RADIL: variants seen among roughly 807,000 people sequenced by gnomAD.
RADIL encodes Rap associating with DIL domain.
RADIL carries 99 observed loss-of-function variants against 97.6 expected under a neutral mutation model. The ratio of observed to expected loss-of-function variants is 1.01; its 90% CI spans 0.86 to 1.20. The LOEUF (loss-of-function observed/expected upper bound fraction) is 1.20, where lower values mean the gene tolerates loss of function less well. Ranked by LOEUF, RADIL falls within the 50% of genes most tolerant of loss-of-function variation. The pLI is 0.00. For synonymous variants in RADIL, 803 were observed against 691.8 expected (o/e 1.16, Z -2.52); for missense variants, 1,765 against 1,498.9 (o/e 1.18, Z -2.93).
In RADIL at chr7:4,814,661, C is replaced by T. The variant is rs372647660; in HGVS notation, c.2139+617G>A. ...CCCACACGCCTGGCGGTCACGGCCACACAGTGCACTCTCACAGCTCCGCGG... is the reference window on the plus strand; with the variant it reads ...CCCACACGCCTGGCGGTCACGGCCATACAGTGCACTCTCACAGCTCCGCGG... On this transcript the variant is annotated intron_variant, in intron 9 of 14. Transcript: ENST00000399583. The surrounding 1 kb of genome is among the most constrained non-coding windows in gnomAD (Gnocchi z 4.5). Among the ~76,000 whole-genome samples, 929 of 152,310 alleles carry T rather than the reference C, an allele frequency of 6.1e-3. 9 individuals carry two copies. Among genetic ancestry groups the T allele is most frequent in the African/African-American group, 0.021 (869 of 41,566 alleles).
intron 9 of RADIL, chr7:4,809,655 T>TA (rs1406911955): frequency 2.1e-6 from 2 of 938,346 alleles, no homozygotes; most frequent in African/African-American, 4.6e-5. Context: ...TTTTACATCT[T>TA]ATTTTATTTA....
At chr7:4,843,131 C>T (rs1298142093) in intron 2 of RADIL, among the ~76,000 whole-genome samples, 1 of 151,466 alleles carries the variant, frequency 6.6e-6, no homozygotes, top group Non-Finnish European at 1.5e-5. Context: ...CTCAGTCTCC[C>T]GAGTAGCTAG....
intron 2 of RADIL, among the ~76,000 whole-genome samples, chr7:4,851,931 A>C (rs1464723828): frequency 6.6e-6 from 1 of 152,224 alleles, no homozygotes; most frequent in African/African-American, 2.4e-5. Flanking sequence ...CTGGCCACAT[A>C]AATGACTCAG....
At chr7:4,874,336 G>T (rs1459222425) in intron 2 of RADIL, among the ~76,000 whole-genome samples, 1 of 152,262 alleles carries the variant, frequency 6.6e-6, no homozygotes, top group Non-Finnish European at 1.5e-5. Flanking sequence ...TCTGTGCGGG[G>T]TCATCCCCAG....
chr7:4,868,520 C>T lies in RADIL; in HGVS notation c.535+9085G>A, dbSNP rs552072398. On this transcript the variant is annotated intron_variant, in intron 2 of 14. Coordinates refer to ENST00000399583, the MANE Select transcript of RADIL (RefSeq NM_018059.5). Reference sequence around the variant, plus strand: ...AGCCAGAGCCAGCTGTGGGTGGCAACGGCATCAGTGAAGCTAGCCTCCCCT... The same window carrying T: ...AGCCAGAGCCAGCTGTGGGTGGCAATGGCATCAGTGAAGCTAGCCTCCCCT... Among the ~76,000 whole-genome samples the T allele has an allele frequency of 1.4e-4, 21 of 152,354 alleles. No homozygotes were observed. In the South Asian group the frequency reaches 3.7e-3, roughly 27 times the overall value.
intron 2 of RADIL, among the ~76,000 whole-genome samples, chr7:4,857,303 GC>G (rs1783856955): frequency 6.6e-6 from 1 of 152,048 alleles, no homozygotes; most frequent in Admixed American, 6.6e-5. Flanking sequence ...TCATTAGCGT[GC>G]CTTTTTTCCA....
intron 2 of RADIL, chr7:4,860,451 T>G (rs562804868): frequency 1.2e-6 from 2 of 1,614,218 alleles, no homozygotes; most frequent in East Asian, 4.5e-5. Flanking sequence ...AGATCAATGC[T>G]GAGAATTTCA....
chr7:4,871,913 G>A (rs2115046110), intron 2 of RADIL, among the ~76,000 whole-genome samples: 1 of 152,270 alleles, frequency 6.6e-6, no homozygotes, highest in African/African-American at 2.4e-5. Context: ...AACCTCGGCG[G>A]CTTTACAAAC....
intron 13 of RADIL, among the ~76,000 whole-genome samples, 178 bp downstream of exon 13, chr7:4,799,993 A>G (rs888288418): frequency 9.7e-5 from 14 of 144,602 alleles, no homozygotes; most frequent in Non-Finnish European, 2.2e-4. Context: ...CAGCAGGCCC[A>G]GGGGGCGTGG....
chr7:4,858,646 T>C (rs1783895307), intron 2 of RADIL: 1 of 152,630 alleles, frequency 6.6e-6, no homozygotes, highest in South Asian at 2.1e-4. Flanking sequence ...AGGTATTCTG[T>C]GGAATGAACA....
At chr7:4,812,107 A>G (rs888928919) in intron 9 of RADIL, among the ~76,000 whole-genome samples, 3 of 151,400 alleles carry the variant, frequency 2.0e-5, no homozygotes, top group Admixed American at 1.3e-4. Flanking sequence ...TCTTGAACTC[A>G]TGGTCTCAAG....
intron 2 of RADIL, chr7:4,861,417 T>A (rs1783990912): frequency 6.2e-7 from 1 of 1,614,044 alleles, no homozygotes. Context: ...TAGAATGAGG[T>A]GAAAAAGTCG....
chr7:4,871,682 C>T (rs1456390319), intron 2 of RADIL, among the ~76,000 whole-genome samples: 1 of 152,154 alleles, frequency 6.6e-6, no homozygotes, highest in East Asian at 1.9e-4. Context: ...CACCCTCCCA[C>T]ACACACACAA....
intron 2 of RADIL, among the ~76,000 whole-genome samples, chr7:4,855,415 A>G (rs1029496536): frequency 6.6e-6 from 1 of 152,068 alleles, no homozygotes; most frequent in African/African-American, 2.4e-5. Flanking sequence ...GAAGTACATC[A>G]GTGTCCCACA....
At chr7:4,861,840 C>CCCCCACCACCGCGACCTTCACGT in intron 2 of RADIL, 6 of 1,405,616 alleles carry the variant, frequency 4.3e-6, no homozygotes, top group Non-Finnish European at 5.6e-6. Context: ...CAGGGCACGT[C>CCCCCACCACCGCGACCTTCACGT]CCCCACCACC....
chr7:4,837,843 C>A lies in RADIL; in HGVS notation c.536-1238G>T, dbSNP rs947149246. 28 of 985,320 alleles carry A rather than the reference C, an allele frequency of 2.8e-5. No homozygotes were observed. The highest frequency in any genetic ancestry group is 6.0e-6 in the Non-Finnish European group (5 of 829,954). 61.0% of individuals were successfully genotyped at this position (985,320 alleles called of 1,614,324 possible). On this transcript the variant is annotated intron_variant, in intron 2 of 14. Coordinates refer to ENST00000399583, the MANE Select transcript of RADIL (RefSeq NM_018059.5). The surrounding 1 kb of genome is among the most constrained non-coding windows in gnomAD (Gnocchi z 5.6). ...AAACCGCTCACCAGTCCCCAGCTGA[C>A]CCGGCGCTGTCTTTTCTGAGCCCTC...
chr7:4,882,905 A>ACAGGG (rs141672709), intron 1 of RADIL, among the ~76,000 whole-genome samples: 2,181 of 152,298 alleles, frequency 0.014, 59 homozygotes, highest in African/African-American at 0.049. Flanking sequence ...TTGACAGGCG[A>ACAGGG]CAGGGCAGGG....
chr7:4,804,769 G>C (rs1029498044), intron 10 of RADIL, among the ~76,000 whole-genome samples: 1 of 149,988 alleles, frequency 6.7e-6, no homozygotes, highest in Non-Finnish European at 1.5e-5. Flanking sequence ...CCTGGTGACA[G>C]AGTGAGACTC....
At chr7:4,812,049 G>A (rs1377900679) in intron 9 of RADIL, among the ~76,000 whole-genome samples, 2 of 151,622 alleles carry the variant, frequency 1.3e-5, no homozygotes, top group African/African-American at 4.8e-5. Flanking sequence ...TACTTTTTCT[G>A]TGTGTGTTTT....
Sources: gnomAD v4.1 joint callset for allele counts (sites outside exome capture counted in the v4.1 genomes callset) on GRCh38, gnomAD v4.1.1 for gene constraint, Gnocchi (gnomAD v3.1) non-coding constraint, MANE v1.5 for transcripts, NCBI Gene and HGNC (gene_info 2026-07-23, HGNC 2026-07-21) for gene names.